KCNMA1: variants seen among roughly 807,000 people sequenced by gnomAD.
The protein encoded by KCNMA1 is potassium calcium-activated channel subfamily M alpha 1.
In KCNMA1, 29 loss-of-function variants were observed where a neutral mutation model predicts 140.0. That is an observed-to-expected ratio of 0.21 (90% CI 0.15 to 0.28). KCNMA1 has a LOEUF of 0.28. KCNMA1 is among the 10% of genes least tolerant of loss of function. KCNMA1 has a pLI of 1.00. For missense variants in KCNMA1, 880 were observed against 1,602.2 expected (o/e 0.55, Z 7.70); for synonymous variants, 612 against 611.9 (o/e 1.00, Z 0.00).
At chr10:77,476,682 T>C (rs960558717) in intron 1 of KCNMA1, among the ~76,000 whole-genome samples, 4 of 152,236 alleles carry the variant, frequency 2.6e-5, no homozygotes, top group Admixed American at 6.5e-5. Flanking sequence ...GCTGCTCAGG[T>C]GCATGTGCCC....
At chr10:76,930,266 A>G (rs977841854) in intron 23 of KCNMA1, 6 of 152,214 alleles carry the variant, frequency 3.9e-5, no homozygotes, top group African/African-American at 1.4e-4. Flanking sequence ...TAAAGAACTC[A>G]TATACTCAGT....
chr10:77,170,727 A>G (rs2098697010), intron 5 of KCNMA1, among the ~76,000 whole-genome samples: 1 of 152,196 alleles, frequency 6.6e-6, no homozygotes, highest in African/African-American at 2.4e-5. Context: ...GAGTTTAGGA[A>G]GCGATATCAA....
At chr10:77,420,232 G>T (rs1010101642) in intron 1 of KCNMA1, among the ~76,000 whole-genome samples, 1 of 152,210 alleles carries the variant, frequency 6.6e-6, no homozygotes, top group African/African-American at 2.4e-5. Context: ...CAAAACAGGA[G>T]CACCTCTTTG....
chr10:77,571,778 C>T (rs553453787), intron 1 of KCNMA1, among the ~76,000 whole-genome samples: 58 of 152,336 alleles, frequency 3.8e-4, no homozygotes, highest in African/African-American at 1.3e-3. Context: ...ATTGTAAACA[C>T]AGCGAAGTCT....
intron 14 of KCNMA1, among the ~76,000 whole-genome samples, chr10:77,045,100 T>C (rs533784816): frequency 3.9e-5 from 6 of 152,358 alleles, no homozygotes; most frequent in Non-Finnish European, 5.9e-5. Flanking sequence ...GTTTCTATTA[T>C]ACAAAATGGA....
intron 5 of KCNMA1, among the ~76,000 whole-genome samples, chr10:77,160,644 C>T (rs2098544422): frequency 6.6e-6 from 1 of 152,214 alleles, no homozygotes; most frequent in Non-Finnish European, 1.5e-5. Flanking sequence ...CTTGGAACAT[C>T]CTTGCCCATA....
chr10:77,616,487 G>C (rs775245980), intron 1 of KCNMA1, among the ~76,000 whole-genome samples: 3 of 152,208 alleles, frequency 2.0e-5, no homozygotes, highest in Non-Finnish European at 4.4e-5. Flanking sequence ...AGGATAATGT[G>C]GGGTGACATC....
intron 23 of KCNMA1, among the ~76,000 whole-genome samples, chr10:76,916,860 T>G (rs1230746204): frequency 6.6e-6 from 1 of 152,218 alleles, no homozygotes; most frequent in Non-Finnish European, 1.5e-5. Flanking sequence ...TCTTACTTTC[T>G]GCTCTCCCGT....
chr10:77,587,392 G>A (rs184406229), intron 1 of KCNMA1, among the ~76,000 whole-genome samples: 1 of 152,270 alleles, frequency 6.6e-6, no homozygotes, highest in Non-Finnish European at 1.5e-5. Context: ...TAATGAGAAA[G>A]CAAAACTCTT....
At chr10:77,494,284 G>C (rs1211739986) in intron 1 of KCNMA1, among the ~76,000 whole-genome samples, 1 of 152,152 alleles carries the variant, frequency 6.6e-6, no homozygotes, top group African/African-American at 2.4e-5. Flanking sequence ...TCATTACCCA[G>C]TGCCTCCTTT....
intron 12 of KCNMA1, among the ~76,000 whole-genome samples, chr10:77,081,994 CTTTTTTTCTTTTCTTTTTTTTTTTTTTTT>C (rs1487058939): frequency 4.4e-5 from 3 of 68,528 alleles, no homozygotes; most frequent in African/African-American, 1.9e-4. Flanking sequence ...CCAGTAATTT[CTTTTTTTCTTTTCTTTTTTTTTTTTTTTT>C]TTTTTTTTTT....
Position 76,885,831 on chromosome 10 carries a change from G to T in KCNMA1, c.*1435C>A. ...CTACCTCTCCTCTCATGCTTACTAA[G>T]TGTTAAAAAAGAAAGAAAACAAAAG... On this transcript the variant is annotated 3_prime_UTR_variant, in exon 28 of 28. Coordinates refer to ENST00000286628, the MANE Select transcript of KCNMA1 (RefSeq NM_001161352.2). 1.0e-6 allele frequency: 1 copy of T among 984,970 alleles called. No individual in the cohort carries two copies. The highest frequency in any genetic ancestry group is 1.2e-6 in the Non-Finnish European group (1 of 829,596). 61.0% of individuals were successfully genotyped at this position (984,970 alleles called of 1,614,324 possible). A position where few individuals can be genotyped will look rare whatever the true frequency, so the allele number is the denominator to read the frequency against.
At chr10:77,029,022 T>C (rs2093712625) in intron 15 of KCNMA1, among the ~76,000 whole-genome samples, 1 of 152,152 alleles carries the variant, frequency 6.6e-6, no homozygotes, top group South Asian at 2.1e-4. Flanking sequence ...TTTCAAAGAA[T>C]ATTTCAAGAT....
intron 1 of KCNMA1, among the ~76,000 whole-genome samples, chr10:77,418,183 T>C (rs967823820): frequency 4.6e-5 from 7 of 152,132 alleles, no homozygotes; most frequent in East Asian, 1.9e-4. Context: ...TCTTTTTCCA[T>C]TGGATTCAGA....
intron 1 of KCNMA1, among the ~76,000 whole-genome samples, chr10:77,468,074 C>T (rs542722279): frequency 3.9e-5 from 6 of 152,124 alleles, no homozygotes; most frequent in Admixed American, 3.9e-4. Flanking sequence ...GTGGTGCGAT[C>T]TTGGCTTATT....
intron 2 of KCNMA1, among the ~76,000 whole-genome samples, chr10:77,312,498 C>T (rs1317060945): frequency 6.6e-6 from 1 of 152,148 alleles, no homozygotes; most frequent in Non-Finnish European, 1.5e-5. Context: ...TGGTGATGCA[C>T]ATTTGTAATC....
intron 1 of KCNMA1, among the ~76,000 whole-genome samples, chr10:77,588,231 C>A (rs533820515): frequency 6.6e-6 from 1 of 152,334 alleles, no homozygotes. Flanking sequence ...TAAAAGAGAC[C>A]TGCAAGGGCA....
intron 21 of KCNMA1, among the ~76,000 whole-genome samples, chr10:76,951,138 G>A (rs2066107803): frequency 6.6e-6 from 1 of 152,186 alleles, no homozygotes; most frequent in Non-Finnish European, 1.5e-5. Flanking sequence ...CTAGAATAGG[G>A]AGGTGGGGAA....
Position 77,205,387 on chromosome 10 carries a change from C to G in KCNMA1, c.603-20471G>C, listed in dbSNP as rs11002081. Among the ~76,000 whole-genome samples, 520 of 152,150 alleles carry G rather than the reference C, an allele frequency of 3.4e-3. 15 individuals are homozygous for G. The East Asian group carries it at 0.084, about 25-fold the overall frequency. On this transcript the variant is annotated intron_variant, in intron 3 of 27. Coordinates refer to ENST00000286628, the MANE Select transcript of KCNMA1 (RefSeq NM_001161352.2). ...CTGATTCATTTCTCCAGGAAGCCAA[C>G]CCAAGGAATCAGGTGTTCAAGCAAC...
Sources: gnomAD v4.1 joint callset for allele counts (sites outside exome capture counted in the v4.1 genomes callset) on GRCh38, gnomAD v4.1.1 for gene constraint, MANE v1.5 for transcripts, NCBI Gene and HGNC (gene_info 2026-07-23, HGNC 2026-07-21) for gene names.